The following BCAR3 variants were observed in gnomAD, a reference collection of about 807,000 sequenced individuals.
The protein encoded by BCAR3 is BCAR3 adaptor protein, NSP family member, also known as breast cancer anti-estrogen resistance protein 3.
In BCAR3, 37 loss-of-function variants were observed where a neutral mutation model predicts 80.1. The observed-to-expected ratio is 0.46, with a 90% CI of 0.36 to 0.61. The LOEUF is 0.61. Ranked by LOEUF, BCAR3 falls within the 20% of genes least tolerant of loss-of-function variation. BCAR3 has a pLI of 0.00. For synonymous variants in BCAR3, 389 were observed against 418.9 expected (o/e 0.93, Z 0.87); for missense variants, 978 against 1,068.2 (o/e 0.92, Z 1.18).
rs1351003881 is a variant in BCAR3, at chr1:93,777,474, C to CTCCTCCTCTTCT, written c.-63+68092_-63+68093insAGAAGAGGAGGA. Among the ~76,000 whole-genome samples, 522 of 119,574 alleles carry CTCCTCCTCTTCT rather than the reference C, an allele frequency of 4.4e-3. 4 individuals are homozygous for CTCCTCCTCTTCT. Among genetic ancestry groups the CTCCTCCTCTTCT allele is most frequent in the African/African-American group, 0.014 (361 of 25,754 alleles). 78.4% of individuals were successfully genotyped at this position (119,574 alleles called of 152,430 possible). A position where few individuals can be genotyped will look rare whatever the true frequency, so the allele number is the denominator to read the frequency against. ...CCTCCTCTTCCTCCTCCTCTTCTTC[C>CTCCTCCTCTTCT]TCCTCCTCCTTCCTCTTCCTCCACC... is the stretch of plus-strand genomic sequence containing the variant. On this transcript the variant is annotated intron_variant, in intron 2 of 13. Coordinates refer to the BCAR3 transcript ENST00000370244.
At chr1:93,784,638 C>A (rs866651790) in intron 2 of BCAR3, among the ~76,000 whole-genome samples, 1 of 152,194 alleles carries the variant, frequency 6.6e-6, no homozygotes, top group Non-Finnish European at 1.5e-5. Flanking sequence ...ATGAAGACTG[C>A]GCAGCCAAAT....
At chr1:93,774,340 C>T (rs547201694) in intron 2 of BCAR3, among the ~76,000 whole-genome samples, 35 of 152,056 alleles carry the variant, frequency 2.3e-4, no homozygotes, top group East Asian at 1.6e-3. Context: ...AAAAATTAGC[C>T]GGGCGTGGTG....
exon 1 of BCAR3, chr1:93,847,141 G>C (rs1655245458): frequency 4.5e-6 from 1 of 223,120 alleles, no homozygotes; most frequent in Non-Finnish European, 9.4e-6. Context: ...CGGCGTCACC[G>C]GCCCGGCTTA....
chr1:93,570,947 T>G (rs1673186378), intron 9 of BCAR3, among the ~76,000 whole-genome samples: 1 of 152,188 alleles, frequency 6.6e-6, no homozygotes, highest in Non-Finnish European at 1.5e-5. Flanking sequence ...TTCATGCCTG[T>G]AATCCCAGCA....
chr1:93,571,946 T>C (rs1346822538), intron 8 of BCAR3, 105 bp from the exon 9 acceptor site: 32 of 1,339,044 alleles, frequency 2.4e-5, no homozygotes, highest in Non-Finnish European at 2.9e-5. Flanking sequence ...TTTGCTCCTT[T>C]TGCTCTAAAA....
At chr1:93,615,918 G>A (rs1465110151) in intron 3 of BCAR3, among the ~76,000 whole-genome samples, 3 of 152,162 alleles carry the variant, frequency 2.0e-5, no homozygotes, top group African/African-American at 4.8e-5. Context: ...GAAAAGGGAG[G>A]GGGGCAGTGA....
intron 2 of BCAR3, among the ~76,000 whole-genome samples, chr1:93,817,406 A>C (rs1407720150): frequency 6.6e-6 from 1 of 152,238 alleles, no homozygotes; most frequent in Non-Finnish European, 1.5e-5. Context: ...CACTGTGCTA[A>C]GTATTTTACA....
chr1:93,762,493 A>G (rs542648286), intron 2 of BCAR3, among the ~76,000 whole-genome samples: 1 of 152,302 alleles, frequency 6.6e-6, no homozygotes, highest in South Asian at 2.1e-4. Context: ...ACAAGTTAGC[A>G]AGGGCAGCAG....
intron 2 of BCAR3, among the ~76,000 whole-genome samples, chr1:93,740,688 CTCAGCGGAGCAGAGG>C (rs1651146245): frequency 6.6e-6 from 1 of 152,170 alleles, no homozygotes; most frequent in African/African-American, 2.4e-5. Context: ...GGATCAGTCG[CTCAGCGGAGCAGAGG>C]TCAGGGAAGA....
intron 2 of BCAR3, among the ~76,000 whole-genome samples, chr1:93,824,904 C>G (rs1654328371): frequency 7.5e-6 from 1 of 133,452 alleles, no homozygotes; most frequent in Non-Finnish European, 1.7e-5. Flanking sequence ...CATCCCTCTC[C>G]ACGGAATATC....
intron 3 of BCAR3, among the ~76,000 whole-genome samples, chr1:93,633,969 C>T (rs1740067): frequency 0.046 from 6,978 of 152,276 alleles, 245 homozygotes; most frequent in East Asian, 0.12. Context: ...AATTTGCATT[C>T]AGCAAAAGTC....
At chr1:93,768,086 T>C (rs1652218038) in intron 2 of BCAR3, among the ~76,000 whole-genome samples, 1 of 152,170 alleles carries the variant, frequency 6.6e-6, no homozygotes, top group Non-Finnish European at 1.5e-5. Context: ...TGAAAATCAA[T>C]GTGACGTGCT....
intron 2 of BCAR3, among the ~76,000 whole-genome samples, chr1:93,721,747 C>T (rs1377452356): frequency 6.6e-6 from 1 of 152,220 alleles, no homozygotes; most frequent in Admixed American, 6.5e-5. Flanking sequence ...CCTTTAAGTT[C>T]TGCCACTGCT....
intron 2 of BCAR3, among the ~76,000 whole-genome samples, chr1:93,825,705 C>T (rs1654348352): frequency 6.6e-6 from 1 of 152,104 alleles, no homozygotes; most frequent in African/African-American, 2.4e-5. Context: ...TGCCGACCAG[C>T]CCCCAGGCCA....
chr1:93,762,213 CCTT>C (rs938152652), intron 2 of BCAR3, among the ~76,000 whole-genome samples: 4 of 152,204 alleles, frequency 2.6e-5, no homozygotes, highest in African/African-American at 9.6e-5. Context: ...CCTCCATTGT[CCTT>C]CTCTCACTTT....
intron 2 of BCAR3, among the ~76,000 whole-genome samples, chr1:93,649,737 C>T (rs184078140): frequency 5.9e-5 from 9 of 151,776 alleles, no homozygotes; most frequent in Non-Finnish European, 2.9e-5. Flanking sequence ...GCAGATCTAA[C>T]GAATGCTATA....
At chr1:93,624,837 C>A (rs997892144) in intron 3 of BCAR3, among the ~76,000 whole-genome samples, 5 of 152,236 alleles carry the variant, frequency 3.3e-5, no homozygotes, top group African/African-American at 1.2e-4. Flanking sequence ...ACAGGCCACA[C>A]AGAAGTCATG....
At chr1:93,733,137 T>TA (rs34182495) in intron 2 of BCAR3, among the ~76,000 whole-genome samples, 1 of 151,850 alleles carries the variant, frequency 6.6e-6, no homozygotes, top group African/African-American at 2.4e-5. Flanking sequence ...TTTCTTTTTT[T>TA]AAAAAAAAGT....
chr1:93,675,351 G>A (rs910850171), intron 1 of BCAR3, among the ~76,000 whole-genome samples: 6 of 152,230 alleles, frequency 3.9e-5, no homozygotes, highest in Non-Finnish European at 8.8e-5. Flanking sequence ...GAACAGGCAG[G>A]GATTATTGAA....
Sources: allele counts gnomAD v4.1 joint callset (sites outside exome capture counted in the v4.1 genomes callset), GRCh38; gene constraint gnomAD v4.1.1; transcripts MANE v1.5; gene names NCBI Gene and HGNC (gene_info 2026-07-23, HGNC 2026-07-21).